SHC4: variants seen among roughly 807,000 people sequenced by gnomAD.
The protein encoded by SHC4 is SHC-transforming protein 4.
A neutral mutation model predicts 69.4 loss-of-function variants in SHC4; 41 were observed. That is an observed-to-expected ratio of 0.59 (90% CI 0.46 to 0.77). The LOEUF (loss-of-function observed/expected upper bound fraction) is 0.77. Ranked by LOEUF, SHC4 falls within the 30% of genes least tolerant of loss-of-function variation. The pLI, the probability that SHC4 is intolerant of heterozygous loss-of-function variation, is 0.00. For missense variants in SHC4, 777 were observed against 783.8 expected, an observed-to-expected ratio of 0.99 and a Z score of 0.10; for synonymous variants, 318 against 299.3, an observed-to-expected ratio of 1.06 and a Z score of -0.64.
At chr15:48,878,217 G>A in intron 4 of SHC4, 1 of 1,599,916 alleles carries the variant, frequency 6.3e-7, no homozygotes, top group Non-Finnish European at 8.5e-7. Flanking sequence ...TATGAAGAGA[G>A]CAGTGACCTG....
intron 4 of SHC4, chr15:48,877,715 G>T (rs758086989): frequency 6.5e-6 from 2 of 309,826 alleles, no homozygotes; most frequent in Non-Finnish European, 9.4e-6. Context: ...GGACAAAATG[G>T]ATTAGTTCTT....
intron 2 of SHC4, among the ~76,000 whole-genome samples, chr15:48,914,105 T>C (rs989505920): frequency 2.0e-5 from 3 of 152,248 alleles, no homozygotes; most frequent in African/African-American, 7.2e-5. Flanking sequence ...AAGGGAGCTG[T>C]CTGCCTTGGC....
chr15:48,864,799 T>G (rs578027999), intron 6 of SHC4, among the ~76,000 whole-genome samples: 1 of 152,262 alleles, frequency 6.6e-6, no homozygotes, highest in Admixed American at 6.5e-5. Flanking sequence ...ATTTAGTAAT[T>G]TCAGAATAGC....
At chr15:48,881,341 C>T (rs1353106652) in intron 4 of SHC4, among the ~76,000 whole-genome samples, 3 of 150,096 alleles carry the variant, frequency 2.0e-5, no homozygotes, top group Non-Finnish European at 4.4e-5. Context: ...GACCTATAGA[C>T]CTATGTAGCC....
At chr15:48,895,549 C>T (rs1245548628) in intron 2 of SHC4, among the ~76,000 whole-genome samples, 1 of 152,104 alleles carries the variant, frequency 6.6e-6, no homozygotes, top group East Asian at 1.9e-4. Flanking sequence ...ACTCGGATGC[C>T]CCTGCCCTTC....
chr15:48,915,409 T>C (rs1003910032), intron 2 of SHC4, among the ~76,000 whole-genome samples: 7 of 152,204 alleles, frequency 4.6e-5, no homozygotes, highest in East Asian at 1.9e-4. Context: ...TTCAATTATC[T>C]CAAGTATCTG....
chr15:48,952,706 C>T (rs908755314), intron 1 of SHC4, among the ~76,000 whole-genome samples: 14 of 152,158 alleles, frequency 9.2e-5, no homozygotes, highest in African/African-American at 3.1e-4. Flanking sequence ...TAGAACAATG[C>T]AAATCAAAAC....
chr15:48,851,320 T>C, intron 8 of SHC4, 72 bp from the exon 9 acceptor site: 1 of 1,438,090 alleles, frequency 7.0e-7, no homozygotes. Context: ...AAAAAATTTA[T>C]AATAATCCCA....
chr15:48,961,405 C>A (rs542526971), intron 1 of SHC4, among the ~76,000 whole-genome samples: 1 of 152,048 alleles, frequency 6.6e-6, no homozygotes, highest in Admixed American at 6.6e-5. Context: ...TACAAGCCAC[C>A]CCCTCCCTCA....
chr15:48,865,687 TAAAG>T (rs1034289395), intron 6 of SHC4, among the ~76,000 whole-genome samples: 2 of 152,142 alleles, frequency 1.3e-5, no homozygotes, highest in African/African-American at 4.8e-5. Context: ...GGCTGATGGC[TAAAG>T]AAAGAAAAAA....
At chr15:48,878,751 T>G in intron 4 of SHC4, 1 of 1,599,200 alleles carries the variant, frequency 6.3e-7, no homozygotes, top group Non-Finnish European at 8.6e-7. Flanking sequence ...TTAGATGCTG[T>G]TAAAAGAGGA....
chr15:48,921,256 A>G (rs1203887995), intron 2 of SHC4, among the ~76,000 whole-genome samples: 2 of 152,164 alleles, frequency 1.3e-5, no homozygotes, highest in East Asian at 1.9e-4. Flanking sequence ...TACCTAGACC[A>G]GTCAAATCCA....
rs535765797 is a variant in SHC4 at position 48,893,138 on chromosome 15, T to A, written c.657-2327A>T. 1.4e-3 allele frequency among the ~76,000 whole-genome samples: 211 copies of A among 152,276 alleles called. 2 individuals carry two copies. The highest frequency in any genetic ancestry group is 4.8e-3 in the African/African-American group (201 of 41,572). Reference sequence around the variant, plus strand: ...TGCAGTGAATTGAAGCTGAAGGGAATACTTTACAGCATGAATACCTCTCAA... The same window carrying A: ...TGCAGTGAATTGAAGCTGAAGGGAAAACTTTACAGCATGAATACCTCTCAA... On this transcript the variant is annotated intron_variant, in intron 2 of 11. Transcript: ENST00000332408.
At chr15:48,846,623 C>T (rs1434297534) in intron 9 of SHC4, among the ~76,000 whole-genome samples, 1 of 152,176 alleles carries the variant, frequency 6.6e-6, no homozygotes, top group Non-Finnish European at 1.5e-5. Context: ...CTTCTGTCTT[C>T]CCCCTTGAGA....
intron 2 of SHC4, among the ~76,000 whole-genome samples, chr15:48,907,457 T>A (rs1420046963): frequency 2.6e-5 from 4 of 151,960 alleles, no homozygotes; most frequent in Non-Finnish European, 4.4e-5. Context: ...TGGTATTTGG[T>A]TACACGAGTA....
chr15:48,866,616 A>T (rs1899564428), intron 6 of SHC4, among the ~76,000 whole-genome samples: 1 of 152,194 alleles, frequency 6.6e-6, no homozygotes, highest in Non-Finnish European at 1.5e-5. Flanking sequence ...CATGGGATTA[A>T]GTCCCTACTC....
intron 6 of SHC4, among the ~76,000 whole-genome samples, chr15:48,858,891 A>G (rs28485749): frequency 0.019 from 2,889 of 152,320 alleles, 77 homozygotes; most frequent in East Asian, 0.067. Flanking sequence ...TTCTGAGAAA[A>G]GGAAAGCAGG....
At chr15:48,928,000 A>C (rs879850480) in intron 1 of SHC4, among the ~76,000 whole-genome samples, 2 of 152,132 alleles carry the variant, frequency 1.3e-5, no homozygotes, top group Non-Finnish European at 2.9e-5. Context: ...CACTCGATAA[A>C]CACTTGTTGA....
intron 1 of SHC4, among the ~76,000 whole-genome samples, chr15:48,956,826 C>T: frequency 6.6e-6 from 1 of 152,180 alleles, no homozygotes; most frequent in East Asian, 1.9e-4. Flanking sequence ...ATTATTTCCT[C>T]AAGGTAACTC....
Sources: gnomAD v4.1 joint callset for allele counts (sites outside exome capture counted in the v4.1 genomes callset) on GRCh38, gnomAD v4.1.1 for gene constraint, MANE v1.5 for transcripts, NCBI Gene and HGNC (gene_info 2026-07-23, HGNC 2026-07-21) for gene names.